GPR158: variants seen among roughly 807,000 people sequenced by gnomAD.
GPR158 encodes G protein-coupled receptor 158.
Under a neutral mutation model 78.2 loss-of-function variants are expected in GPR158, and 30 were observed. The observed-to-expected ratio is 0.38, with a 90% CI of 0.29 to 0.52. The LOEUF is 0.52. GPR158 is among the 20% of genes least tolerant of loss of function. The pLI is 0.83. For synonymous variants in GPR158, 581 were observed against 591.1 expected (o/e 0.98, Z 0.25); for missense variants, 1,463 against 1,523.5 (o/e 0.96, Z 0.66).
intron 2 of GPR158, among the ~76,000 whole-genome samples, chr10:25,288,242 A>G (rs1221466881): frequency 6.6e-6 from 1 of 152,222 alleles, no homozygotes; most frequent in Non-Finnish European, 1.5e-5. Context: ...GGGGGTTTGA[A>G]CACAAGTGTT....
intron 6 of GPR158, among the ~76,000 whole-genome samples, chr10:25,551,873 G>C (rs1377112094): frequency 6.6e-6 from 1 of 152,142 alleles, no homozygotes; most frequent in Non-Finnish European, 1.5e-5. Context: ...GTACTGATCA[G>C]CTTTAAAGCT....
At chr10:25,220,771 A>T (rs1327233946) in intron 1 of GPR158, among the ~76,000 whole-genome samples, 1 of 152,174 alleles carries the variant, frequency 6.6e-6, no homozygotes, top group Non-Finnish European at 1.5e-5. Flanking sequence ...ATTGTCCTGG[A>T]GTTCAGGCAA....
Position 25,357,567 on chromosome 10 carries a change from G to A in GPR158, c.1009-38344G>A, listed in dbSNP as rs1204622840. On this transcript the variant is annotated intron_variant, in intron 2 of 10. Coordinates refer to ENST00000376351, the MANE Select transcript of GPR158 (RefSeq NM_020752.3). Reference sequence around the variant, plus strand: ...TGGGCCAAGGTACAGCTCAGGCTGTGGCTTCAGAGAGTGCAAGCCCCAAGC... The same window carrying A: ...TGGGCCAAGGTACAGCTCAGGCTGTAGCTTCAGAGAGTGCAAGCCCCAAGC... Among the ~76,000 whole-genome samples the A allele has an allele frequency of 2.0e-5, 3 of 152,208 alleles. No individual in the cohort carries two copies. In the East Asian group the frequency reaches 5.8e-4, roughly 30 times the overall value.
intron 5 of GPR158, among the ~76,000 whole-genome samples, chr10:25,474,585 A>G (rs909607113): frequency 1.3e-5 from 2 of 152,230 alleles, no homozygotes; most frequent in Middle Eastern, 3.4e-3. Context: ...ACTTGTTTCA[A>G]TTTGTAATTA....
chr10:25,532,684 A>C (rs1836441426), intron 5 of GPR158, among the ~76,000 whole-genome samples: 2 of 152,106 alleles, frequency 1.3e-5, no homozygotes, highest in African/African-American at 4.8e-5. Context: ...TGACCTAACC[A>C]GAAATCCTTT....
chr10:25,551,617 G>A lies in GPR158; in HGVS notation c.1514+532G>A, dbSNP rs186181350. Among the ~76,000 whole-genome samples, 53 of 152,296 alleles carry A rather than the reference G, an allele frequency of 3.5e-4. No homozygotes were observed. The East Asian group carries it at 6.6e-3, about 19-fold the overall frequency. The stretch of plus-strand genomic sequence containing the variant: ...CCTTGGAAAATGGAGAATGCTCTAA[G>A]TTCCCTAATACTTAGTTCTAAACCA... On this transcript the variant is annotated intron_variant, in intron 6 of 10. Transcript: ENST00000376351.
chr10:25,290,139 T>A (rs1854413981), intron 2 of GPR158, among the ~76,000 whole-genome samples: 1 of 152,212 alleles, frequency 6.6e-6, no homozygotes, highest in Non-Finnish European at 1.5e-5. Flanking sequence ...TTAAAACCCA[T>A]GCAACACAGG....
intron 5 of GPR158, among the ~76,000 whole-genome samples, chr10:25,538,973 G>A (rs141883217): frequency 5.9e-5 from 9 of 152,226 alleles, no homozygotes; most frequent in East Asian, 3.9e-4. Context: ...TCCATGAAGC[G>A]CCTCTTCTCA....
chr10:25,334,183 A>G (rs1022757375), intron 2 of GPR158, among the ~76,000 whole-genome samples: 2 of 152,130 alleles, frequency 1.3e-5, no homozygotes, highest in Non-Finnish European at 1.5e-5. Context: ...TAAAATGACA[A>G]TTAGAAGTTA....
At chr10:25,498,604 C>T (rs7068743) in intron 5 of GPR158, among the ~76,000 whole-genome samples, 85,586 of 152,012 alleles carry the variant, frequency 0.56, 25,914 homozygotes, top group African/African-American at 0.8. Context: ...TGCACAATAT[C>T]GGAGCTAGTT....
intron 5 of GPR158, among the ~76,000 whole-genome samples, chr10:25,510,509 G>C (rs542377063): frequency 2.0e-5 from 3 of 152,086 alleles, no homozygotes; most frequent in Admixed American, 6.5e-5. Context: ...TAGATGAATT[G>C]TGGAGAATTC....
chr10:25,523,430 G>A (rs1588897837), intron 5 of GPR158, among the ~76,000 whole-genome samples: 1 of 152,336 alleles, frequency 6.6e-6, no homozygotes, highest in South Asian at 2.1e-4. Flanking sequence ...GCCCCCTCTA[G>A]CAACTGCAGT....
chr10:25,439,396 C>T (rs893463262), intron 4 of GPR158, among the ~76,000 whole-genome samples: 6 of 152,244 alleles, frequency 3.9e-5, no homozygotes, highest in African/African-American at 1.4e-4. Context: ...GGGTCCCTCC[C>T]ACAATACGTG....
chr10:25,241,336 CTTTTCTCTT>C (rs1853620547), intron 2 of GPR158, among the ~76,000 whole-genome samples: 1 of 125,420 alleles, frequency 8.0e-6, no homozygotes, highest in African/African-American at 3.4e-5. Context: ...CTTCTCTTCT[CTTTTCTCTT>C]TTCTCTTTTC....
chr10:25,355,165 C>T (rs1481530291), intron 2 of GPR158, among the ~76,000 whole-genome samples: 1 of 146,772 alleles, frequency 6.8e-6, no homozygotes, highest in African/African-American at 2.7e-5. Context: ...TTGCTTAACT[C>T]CCTCTTGAAC....
At chr10:25,368,067 A>G (rs1018541570) in intron 2 of GPR158, among the ~76,000 whole-genome samples, 1 of 151,884 alleles carries the variant, frequency 6.6e-6, no homozygotes, top group Non-Finnish European at 1.5e-5. Flanking sequence ...TCTGAAGTTC[A>G]TCTTTTAAGC....
At chr10:25,367,557 T>G (rs1260396219) in intron 2 of GPR158, among the ~76,000 whole-genome samples, 1 of 151,796 alleles carries the variant, frequency 6.6e-6, no homozygotes, top group Non-Finnish European at 1.5e-5. Flanking sequence ...ATAGATGAAT[T>G]CTGACAAATG....
rs149867168 is a variant in GPR158 at position 25,547,903 on chromosome 10, C to T, written c.1405-3073C>T. 3.4e-4 allele frequency among the ~76,000 whole-genome samples: 52 copies of T among 152,258 alleles called. 2 individuals are homozygous for T. Among genetic ancestry groups the T allele is most frequent in the African/African-American group, 1.2e-3 (51 of 41,558 alleles). On this transcript the variant is annotated intron_variant, in intron 5 of 10. Transcript: ENST00000376351. ...GTGTCTAGCATATAGTAAGTGTTGC[C>T]TAAATATTTAGTGAATCATATTTAT...
intron 7 of GPR158, among the ~76,000 whole-genome samples, chr10:25,585,320 G>T (rs1377618510): frequency 1.3e-5 from 2 of 152,086 alleles, no homozygotes; most frequent in Non-Finnish European, 2.9e-5. Context: ...TATCTACATT[G>T]TCCCAGTACT....
Sources: gnomAD v4.1 joint callset for allele counts (sites outside exome capture counted in the v4.1 genomes callset) on GRCh38, gnomAD v4.1.1 for gene constraint, MANE v1.5 for transcripts, NCBI Gene and HGNC (gene_info 2026-07-23, HGNC 2026-07-21) for gene names.